MSN: variants seen among roughly 807,000 people sequenced by gnomAD.
The protein encoded by MSN is moesin, also known as epididymis luminal protein 70.
In MSN, 2 loss-of-function variants were observed where a neutral mutation model predicts 48.0. The observed-to-expected ratio is 0.04, with a 90% CI of 0.02 to 0.13. The LOEUF (loss-of-function observed/expected upper bound fraction) is 0.13. Ranked by LOEUF, MSN falls within the 10% of genes least tolerant of loss-of-function variation. The pLI is 1.00. For synonymous variants in MSN, 146 were observed against 166.9 expected (o/e 0.87, Z 0.97); for missense variants, 267 against 470.1 (o/e 0.57, Z 3.99).
chrX:65,731,216 C>T lies in MSN; in HGVS notation c.551+26C>T, dbSNP rs764115580. ...GTAAGCTTGCCCAAGCAGTGGTGGG[C>T]CCCACTTCCCTTACAGGGTGAATGA... On this transcript the variant is annotated intron_variant, in intron 5 of 12. Transcript: ENST00000360270. 47 of 1,125,978 alleles carry T rather than the reference C, an allele frequency of 4.2e-5. No homozygotes were observed. In the South Asian group the frequency reaches 7.3e-4, roughly 17 times the overall value. 92.8% of individuals were successfully genotyped at this position (1,125,978 alleles called of 1,213,427 possible). A position where few individuals can be genotyped will look rare whatever the true frequency, so the allele number is the denominator to read the frequency against.
intron 1 of MSN, among the ~76,000 whole-genome samples, chrX:65,618,836 T>C (rs369371346): frequency 1.8e-5 from 2 of 111,865 alleles, no homozygotes; most frequent in Non-Finnish European, 3.8e-5. Context: ...GATTTTGCAG[T>C]GGCTGGTACC....
intron 1 of MSN, among the ~76,000 whole-genome samples, chrX:65,597,689 A>G (rs1473129964): frequency 8.9e-6 from 1 of 111,745 alleles, no homozygotes; most frequent in Non-Finnish European, 1.9e-5. Flanking sequence ...CAATTTTATA[A>G]CCTTTTCAGA....
At chrX:65,646,684 G>A (rs1204783180) in intron 1 of MSN, among the ~76,000 whole-genome samples, 1 of 112,218 alleles carries the variant, frequency 8.9e-6, no homozygotes. Context: ...GGTGGCTCAC[G>A]CTTGTAATCC....
At chrX:65,683,587 G>A (rs960724779) in intron 1 of MSN, among the ~76,000 whole-genome samples, 9 of 110,747 alleles carry the variant, frequency 8.1e-5, no homozygotes, top group South Asian at 7.6e-4. Flanking sequence ...GAGAGGTGTA[G>A]GTTTATGCTT....
At chrX:65,732,322 A>T (rs2071630616) in intron 6 of MSN, among the ~76,000 whole-genome samples, 1 of 112,747 alleles carries the variant, frequency 8.9e-6, no homozygotes, top group Non-Finnish European at 1.9e-5. Flanking sequence ...TTAATATTTT[A>T]AAAAATATTT....
At chrX:65,639,858 G>A (rs372268539) in intron 1 of MSN, among the ~76,000 whole-genome samples, 5 of 111,639 alleles carry the variant, frequency 4.5e-5, no homozygotes, top group Admixed American at 9.6e-5. Context: ...AGGTAAGCAC[G>A]GGAACCATTA....
intron 2 of MSN, among the ~76,000 whole-genome samples, chrX:65,727,373 G>A (rs1448561538): frequency 4.5e-5 from 5 of 111,708 alleles, no homozygotes; most frequent in African/African-American, 1.6e-4. Flanking sequence ...AGGGAAGGAG[G>A]AGGTGGCAGA....
At chrX:65,735,506 CAGGACATG>C in intron 8 of MSN, 76 bp downstream of exon 8, 7 of 1,090,889 alleles carry the variant, frequency 6.4e-6, no homozygotes, top group Non-Finnish European at 8.6e-6. Flanking sequence ...CATGCTAAGT[CAGGACATG>C]AGGCCAACCT....
chrX:65,675,500 T>C, intron 1 of MSN, among the ~76,000 whole-genome samples: 1 of 111,398 alleles, frequency 9.0e-6, no homozygotes, highest in Non-Finnish European at 1.9e-5. Context: ...AGCTGCTGAC[T>C]GATTCAAGGG....
chrX:65,646,846 C>T (rs919852261), intron 1 of MSN, among the ~76,000 whole-genome samples: 4 of 111,355 alleles, frequency 3.6e-5, no homozygotes, highest in African/African-American at 1.3e-4. Context: ...ACTCGAGAGG[C>T]TGAGGCAGGA....
chrX:65,663,916 C>T (rs972305582), upstream of MSN, among the ~76,000 whole-genome samples: 3 of 109,198 alleles, frequency 2.7e-5, no homozygotes, highest in Admixed American at 9.9e-5. Flanking sequence ...AAAAATTAGC[C>T]GGGCATGGTG....
chrX:65,601,874 G>C (rs2070238997), intron 1 of MSN, among the ~76,000 whole-genome samples: 1 of 112,058 alleles, frequency 8.9e-6, no homozygotes, highest in Non-Finnish European at 1.9e-5. Flanking sequence ...CCCAGGCCAG[G>C]GAAAGTGGAA....
intron 1 of MSN, among the ~76,000 whole-genome samples, chrX:65,661,742 G>A (rs1174733192): frequency 8.9e-6 from 1 of 111,977 alleles, no homozygotes; most frequent in Non-Finnish European, 1.9e-5. Context: ...CAAAGAGACT[G>A]GGCACTGTGG....
rs1418685352 is a variant in MSN at position 65,700,533 on chromosome X, C to T, written c.13-16285C>T. On this transcript the variant is annotated intron_variant, in intron 1 of 12. Transcript: ENST00000360270. ...GCACAATTAGGTGCCCTTGTTTGGC[C>T]TTTAGCTGATGGGGAGCCCTTTGGG... 2.7e-5 allele frequency among the ~76,000 whole-genome samples: 3 copies of T among 111,375 alleles called. No individual in the cohort carries two copies. In the Admixed American group the frequency reaches 2.9e-4, roughly 11 times the overall value.
At chrX:65,641,933 G>A (rs757559350) in intron 1 of MSN, among the ~76,000 whole-genome samples, 261 of 108,638 alleles carry the variant, frequency 2.4e-3, no homozygotes, top group Non-Finnish European at 3.6e-3. Context: ...TTGGGAGTTC[G>A]AGACCAGCGT....
chrX:65,661,829 G>C lies in MSN; in HGVS notation c.-21-54989G>C, dbSNP rs749773579. 1.3e-4 allele frequency among the ~76,000 whole-genome samples: 15 copies of C among 112,022 alleles called. No homozygotes were observed. The South Asian group carries it at 5.6e-3, about 42-fold the overall frequency. ...GAGGTCAGGAGTTCCAGACCTGCCT[G>C]GCCAACATGGCCCTGTCTCTACTAA... On this transcript the variant is annotated intron_variant, in intron 1 of 3. Coordinates refer to the MSN transcript ENST00000609672.
intron 1 of MSN, 101 bp from the exon 2 acceptor site, chrX:65,716,717 C>T: frequency 1.4e-6 from 1 of 717,500 alleles, no homozygotes; most frequent in Non-Finnish European, 2.2e-6. Flanking sequence ...AGGCTCTTAG[C>T]ATCCTAACTC....
intron 1 of MSN, among the ~76,000 whole-genome samples, chrX:65,668,790 G>C (rs1298958317): frequency 8.9e-6 from 1 of 111,932 alleles, no homozygotes; most frequent in Non-Finnish European, 1.9e-5. Flanking sequence ...CCAAATGGCT[G>C]CTGAGGCCCT....
intron 1 of MSN, among the ~76,000 whole-genome samples, chrX:65,623,174 C>T (rs773750150): frequency 4.1e-4 from 45 of 109,368 alleles, no homozygotes; most frequent in Non-Finnish European, 7.6e-4. Flanking sequence ...AGTTGAGGAC[C>T]TTTGCCTCTA....
Sources: allele counts gnomAD v4.1 joint callset (sites outside exome capture counted in the v4.1 genomes callset), GRCh38; gene constraint gnomAD v4.1.1; transcripts MANE v1.5; gene names NCBI Gene and HGNC (gene_info 2026-07-23, HGNC 2026-07-21).